KMT2C: variants seen among roughly 807,000 people sequenced by gnomAD.
KMT2C encodes lysine methyltransferase 2C.
Under a neutral mutation model 507.9 loss-of-function variants are expected in KMT2C, and 88 were observed. The observed-to-expected ratio is 0.17, with a 90% CI of 0.15 to 0.21. The LOEUF (loss-of-function observed/expected upper bound fraction) is 0.21, where lower values mean the gene tolerates loss of function less well. KMT2C is among the 10% of genes least tolerant of loss of function. The pLI, the probability that KMT2C is intolerant of heterozygous loss-of-function variation, is 1.00. For synonymous variants in KMT2C, 2,049 were observed against 2,080.8 expected (o/e 0.98, Z 0.42); for missense variants, 4,954 against 5,957.8 (o/e 0.83, Z 5.55).
intron 1 of KMT2C, among the ~76,000 whole-genome samples, chr7:152,407,816 G>C (rs1382142391): frequency 6.6e-6 from 1 of 152,276 alleles, no homozygotes; most frequent in South Asian, 2.1e-4. Context: ...TATACAACTT[G>C]AGCAATGATT....
rs749244367 is a variant in KMT2C at position 152,162,322 on chromosome 7, G to A, written c.11255C>T (p.Pro3752Leu). The A allele has an allele frequency of 6.2e-7, 1 of 1,614,218 alleles. No homozygotes were observed. The highest frequency in any genetic ancestry group is 1.7e-5 in the Admixed American group (1 of 60,030). ...GGGAGGACTCTGTGCTGAGGAGACA[G>A]GACAGGCTACAGCGTTTCCTTCTAC... Reference protein sequence around the residue: ...SKVEGNAVACPVSSAQSPPHS... With the variant: ...SKVEGNAVACLVSSAQSPPHS... Residue 3752 changes from proline to leucine, a missense_variant, in exon 43 of 59, where the codon CCT (proline) becomes CTT (leucine). Transcript: ENST00000262189.
chr7:152,426,230 G>GTTT (rs10709636), intron 1 of KMT2C, among the ~76,000 whole-genome samples: 42 of 94,546 alleles, frequency 4.4e-4, no homozygotes, highest in African/African-American at 1.1e-3. Context: ...TTATGTCATA[G>GTTT]TTTTTTTTTT....
chr7:152,181,504 G>C lies in KMT2C; in HGVS notation c.6356C>G (p.Pro2119Arg). 6.2e-7 allele frequency: 1 copy of C among 1,614,096 alleles called. No homozygotes were observed. The highest frequency in any genetic ancestry group is 1.1e-5 in the South Asian group (1 of 91,080). Residue 2119 changes from proline to arginine, a missense_variant, in exon 36 of 59, where the codon CCT (proline) becomes CGT (arginine). Coordinates refer to ENST00000262189, the MANE Select transcript of KMT2C (RefSeq NM_170606.3). ...AGATGTTGGCCTTGATATGGTTCCA[G>C]GCTGGGAAAAAGCCCTTGAAGGATG... is the stretch of plus-strand genomic sequence containing the variant. ...FAHPSRAFSQPGTISRPTSQD... is the reference protein window; with the variant it reads ...FAHPSRAFSQRGTISRPTSQD...
At chr7:152,296,151 G>A (rs2096493015) in intron 6 of KMT2C, among the ~76,000 whole-genome samples, 1 of 151,720 alleles carries the variant, frequency 6.6e-6, no homozygotes, top group African/African-American at 2.4e-5. Flanking sequence ...GCCAGGGGCA[G>A]GGCGTGGTGG....
chr7:152,209,272 C>A (rs190821156), intron 23 of KMT2C, among the ~76,000 whole-genome samples: 7 of 151,318 alleles, frequency 4.6e-5, no homozygotes, highest in African/African-American at 1.7e-4. Flanking sequence ...CTGGCTAACA[C>A]AGTGAAACCC....
chr7:152,239,053 C>G (rs1174100196), intron 14 of KMT2C: 7 of 388,766 alleles, frequency 1.8e-5, no homozygotes, highest in Middle Eastern at 7.4e-4. Context: ...TTTTATTCTG[C>G]CTGAGACATC....
intron 55 of KMT2C, among the ~76,000 whole-genome samples, chr7:152,142,939 A>G (rs944571303): frequency 6.6e-6 from 1 of 152,204 alleles, no homozygotes; most frequent in Non-Finnish European, 1.5e-5. Flanking sequence ...ATCCCCAGGG[A>G]GGTGGACAGA....
chr7:152,367,592 C>A, intron 1 of KMT2C: 1 of 1,284,942 alleles, frequency 7.8e-7, no homozygotes, highest in Admixed American at 1.7e-5. Context: ...CCAGAGTATC[C>A]AGGTCCTTCT....
intron 16 of KMT2C, among the ~76,000 whole-genome samples, chr7:152,232,507 A>G (rs2095150610): frequency 6.6e-6 from 1 of 152,214 alleles, no homozygotes; most frequent in Non-Finnish European, 1.5e-5. Flanking sequence ...TTGAATCATA[A>G]GAAATTGCTG....
chr7:152,256,722 C>T (rs111280786), intron 9 of KMT2C, among the ~76,000 whole-genome samples: 1 of 152,040 alleles, frequency 6.6e-6, no homozygotes, highest in Non-Finnish European at 1.5e-5. Context: ...AGACAATTCA[C>T]GAGAAGAAAT....
Position 152,207,448 on chromosome 7 carries a change from T to C in KMT2C, c.3713-20A>G, listed in dbSNP as rs371806834. 7.2e-4 allele frequency: 1,126 copies of C among 1,559,076 alleles called. 6 individuals carry two copies. In the African/African-American group the frequency reaches 0.013, roughly 18 times the overall value. On this transcript the variant is annotated intron_variant, in intron 23 of 58. Coordinates refer to ENST00000262189, the MANE Select transcript of KMT2C (RefSeq NM_170606.3). ...CTCCTTCTGGAAAAAAGTAAATGTA[T>C]ACACAAAACTGGAAAAACCTATCAA...
intron 1 of KMT2C, among the ~76,000 whole-genome samples, chr7:152,396,831 T>TG (rs959692588): frequency 6.6e-6 from 1 of 152,216 alleles, no homozygotes; most frequent in African/African-American, 2.4e-5. Context: ...GGGCAACTAA[T>TG]GAATATCCAT....
chr7:152,365,673 T>C (rs2097237179), intron 1 of KMT2C, among the ~76,000 whole-genome samples: 1 of 152,216 alleles, frequency 6.6e-6, no homozygotes, highest in Non-Finnish European at 1.5e-5. Flanking sequence ...GGCATTAGCC[T>C]CCCGGCCCAG....
rs182790974 is a variant in KMT2C, at chr7:152,351,924, T to G, written c.250+6663A>C. Among the ~76,000 whole-genome samples, 101 of 152,298 alleles carry G rather than the reference T, an allele frequency of 6.6e-4. No individual in the cohort carries two copies. The East Asian group carries it at 0.015, about 23-fold the overall frequency. On this transcript the variant is annotated intron_variant, in intron 2 of 58. Transcript: ENST00000262189. ...GTTTGCAGAGCATGTGTGTTTGAAC[T>G]ATATGAAATCTGAGCACCTTGAAAA...
chr7:152,157,344 C>A (rs1478655226), intron 44 of KMT2C, among the ~76,000 whole-genome samples: 11 of 149,430 alleles, frequency 7.4e-5, no homozygotes, highest in Admixed American at 4.0e-4. Context: ...AAAAAAAAAA[C>A]CTACAATAGT....
rs1563767704 is a variant in KMT2C at position 152,297,059 on chromosome 7, G to GAAAGAAAGAAAGAAAGAA, written c.849+12906_849+12907insTTCTTTCTTTCTTTCTTT. On this transcript the variant is annotated intron_variant, in intron 6 of 58. Coordinates refer to ENST00000262189, the MANE Select transcript of KMT2C (RefSeq NM_170606.3). ...AAAGAAAGAAAGAAAGAAAGACAGA[G>GAAAGAAAGAAAGAAAGAA]AGAGAGAGAGAGAGAGAGAGAGAGA... Among the ~76,000 whole-genome samples the GAAAGAAAGAAAGAAAGAA allele has an allele frequency of 5.2e-3, 336 of 64,386 alleles. 6 individuals carry two copies. Among genetic ancestry groups the GAAAGAAAGAAAGAAAGAA allele is most frequent in the African/African-American group, 0.018 (318 of 17,286 alleles). The allele number at this position is 64,386 out of a possible 152,430, so 42.2% of individuals were successfully genotyped here.
chr7:152,347,415 A>C (rs531002938), intron 2 of KMT2C, among the ~76,000 whole-genome samples: 3 of 152,226 alleles, frequency 2.0e-5, no homozygotes, highest in African/African-American at 4.8e-5. Context: ...TGAAAGATAC[A>C]TGAGAAGCGC....
rs574951990 is a variant in KMT2C, at chr7:152,145,366, A to C, written c.14032-71T>G. 12 of 1,483,930 alleles carry C rather than the reference A, an allele frequency of 8.1e-6. No homozygotes were observed. The Admixed American group carries it at 1.9e-4, about 24-fold the overall frequency. 91.9% of individuals were successfully genotyped at this position (1,483,930 alleles called of 1,614,324 possible). A position where few individuals can be genotyped will look rare whatever the true frequency, so the allele number is the denominator to read the frequency against. On this transcript the variant is annotated intron_variant, in intron 53 of 58. Coordinates refer to ENST00000262189, the MANE Select transcript of KMT2C (RefSeq NM_170606.3). ...ACTACAGACAATCTCAAGCTGGTCA[A>C]AGGATGGCCCACGACAGAAATAACT... is the stretch of plus-strand genomic sequence containing the variant.
chr7:152,158,382 C>A (rs1204969264), intron 44 of KMT2C, among the ~76,000 whole-genome samples: 4 of 152,188 alleles, frequency 2.6e-5, no homozygotes, highest in Non-Finnish European at 5.9e-5. Context: ...TATCACCTAT[C>A]AATCCATTTG....
Sources: allele counts gnomAD v4.1 joint callset (sites outside exome capture counted in the v4.1 genomes callset), GRCh38; gene constraint gnomAD v4.1.1; transcripts MANE v1.5; gene names NCBI Gene and HGNC (gene_info 2026-07-23, HGNC 2026-07-21).